The following MYZAP variants were observed in gnomAD, a reference collection of about 807,000 sequenced individuals.
The protein encoded by MYZAP is GRINL1A complex locus upstream.
A neutral mutation model predicts 69.4 loss-of-function variants in MYZAP; 66 were observed. That is an observed-to-expected ratio of 0.95 (90% confidence interval 0.78 to 1.17). MYZAP has a LOEUF of 1.17. Ranked by LOEUF, MYZAP falls within the 50% of genes most tolerant of loss-of-function variation. The pLI is 0.00. For missense variants in MYZAP, 611 were observed against 556.2 expected, an observed-to-expected ratio of 1.10 and a Z score of -0.99; for synonymous variants, 256 against 205.9, an observed-to-expected ratio of 1.24 and a Z score of -2.09.
At chr15:57,598,525 G>A (rs778400598) in intron 1 of MYZAP, among the ~76,000 whole-genome samples, 2 of 152,174 alleles carry the variant, frequency 1.3e-5, no homozygotes, top group Non-Finnish European at 2.9e-5. Context: ...AAGCTTACTT[G>A]ATCACTCCCC....
At chr15:57,659,708 A>G (rs548384672) in intron 10 of MYZAP, among the ~76,000 whole-genome samples, 2 of 152,232 alleles carry the variant, frequency 1.3e-5, no homozygotes, top group Non-Finnish European at 2.9e-5. Flanking sequence ...AATTTGATAT[A>G]CATCGTTTCT....
chr15:57,673,463 CGTGTGTGTGTGT>C (rs3051249), intron 11 of MYZAP, among the ~76,000 whole-genome samples: 1,830 of 102,658 alleles, frequency 0.018, 43 homozygotes, highest in African/African-American at 0.059. Context: ...TGCGTGCATG[CGTGTGTGTGTGT>C]GTGTGTGTGT....
chr15:57,593,166 CACTT>C (rs1218233436), intron 1 of MYZAP, among the ~76,000 whole-genome samples: 2 of 63,712 alleles, frequency 3.1e-5, no homozygotes, highest in Non-Finnish European at 6.0e-5. Context: ...ACTCACCAGA[CACTT>C]AGGTTGTGTA....
intron 11 of MYZAP, among the ~76,000 whole-genome samples, chr15:57,669,962 C>T (rs2038789855): frequency 6.6e-6 from 1 of 151,728 alleles, no homozygotes; most frequent in South Asian, 2.1e-4. Context: ...ATTTTTATTT[C>T]TAATTTAATA....
At chr15:57,633,881 T>C (rs568909825) in intron 8 of MYZAP, 140 bp downstream of exon 8, 76 of 1,093,406 alleles carry the variant, frequency 7.0e-5, no homozygotes, top group Non-Finnish European at 8.1e-5. Context: ...AGCTATAAAA[T>C]AAAGTATAAG....
intron 12 of MYZAP, among the ~76,000 whole-genome samples, chr15:57,678,700 C>T (rs1459452564): frequency 6.6e-6 from 1 of 152,174 alleles, no homozygotes; most frequent in Non-Finnish European, 1.5e-5. Flanking sequence ...GATAAGGTCT[C>T]TGTCAGCTAA....
chr15:57,604,840 G>A (rs1353033489), intron 2 of MYZAP, among the ~76,000 whole-genome samples: 1 of 152,184 alleles, frequency 6.6e-6, no homozygotes, highest in East Asian at 1.9e-4. Context: ...GGAGGCATTC[G>A]GCAAACATTT....
At chr15:57,636,805 T>G (rs1277990176) in intron 8 of MYZAP, among the ~76,000 whole-genome samples, 1 of 152,352 alleles carries the variant, frequency 6.6e-6, no homozygotes, top group Middle Eastern at 3.4e-3. Flanking sequence ...AGTGCACGGC[T>G]TAGTGCGCGT....
At chr15:57,611,958 G>A (rs561293699) in intron 2 of MYZAP, among the ~76,000 whole-genome samples, 1 of 152,278 alleles carries the variant, frequency 6.6e-6, no homozygotes, top group Admixed American at 6.5e-5. Context: ...TTATTTCCCA[G>A]GCTGTGGAAA....
chr15:57,650,601 A>G (rs904408932), intron 10 of MYZAP, among the ~76,000 whole-genome samples: 5 of 152,198 alleles, frequency 3.3e-5, no homozygotes, highest in African/African-American at 4.8e-5. Flanking sequence ...TTCCTTATCA[A>G]TAATATGGGA....
intron 4 of MYZAP, among the ~76,000 whole-genome samples, chr15:57,625,411 A>T (rs1018709941): frequency 2.0e-5 from 3 of 152,190 alleles, no homozygotes; most frequent in Non-Finnish European, 4.4e-5. Flanking sequence ...ACTACAAAGA[A>T]CAAGGTGGCT....
Position 57,618,267 on chromosome 15 carries a change from G to A in MYZAP, c.318+79G>A, listed in dbSNP as rs751159090. ...AGAGAATGGAGTTGGAAGCATTGAA[G>A]TGAATGTAATAAGGCATTTTGAAAG... is the stretch of plus-strand genomic sequence containing the variant. On this transcript the variant is annotated intron_variant, in intron 3 of 12. Coordinates refer to ENST00000267853, the MANE Select transcript of MYZAP (RefSeq NM_001018100.5). 1.2e-5 allele frequency: 18 copies of A among 1,540,058 alleles called. No homozygotes were observed. The Middle Eastern group carries it at 8.7e-4, about 75-fold the overall frequency.
At chr15:57,617,212 GGAAAGGACA>G (rs1297487872) in intron 2 of MYZAP, among the ~76,000 whole-genome samples, 1 of 152,058 alleles carries the variant, frequency 6.6e-6, no homozygotes. Context: ...GCTATGAAGT[GGAAAGGACA>G]GAAAGGACAA....
At chr15:57,676,568 A>G (rs1167644357) in intron 12 of MYZAP, among the ~76,000 whole-genome samples, 1 of 151,678 alleles carries the variant, frequency 6.6e-6, no homozygotes, top group Non-Finnish European at 1.5e-5. Flanking sequence ...ACCTTTTTGA[A>G]ATTTAAATAA....
At chr15:57,595,321 C>G (rs1255600715) in intron 1 of MYZAP, among the ~76,000 whole-genome samples, 1 of 152,126 alleles carries the variant, frequency 6.6e-6, no homozygotes, top group Non-Finnish European at 1.5e-5. Flanking sequence ...CAGTTGTGCA[C>G]TAAAAATAGT....
chr15:57,653,062 T>C (rs1468842051), intron 10 of MYZAP, among the ~76,000 whole-genome samples: 5 of 152,102 alleles, frequency 3.3e-5, no homozygotes, highest in Admixed American at 6.5e-5. Flanking sequence ...AGAATGTCTA[T>C]AAATGAGGGC....
chr15:57,667,653 T>C (rs2038647592), intron 11 of MYZAP, among the ~76,000 whole-genome samples: 1 of 152,204 alleles, frequency 6.6e-6, no homozygotes. Flanking sequence ...CTTAAATCTG[T>C]CCCACGCTCT....
chr15:57,664,479 T>C (rs1342059491), intron 11 of MYZAP, among the ~76,000 whole-genome samples: 2 of 152,216 alleles, frequency 1.3e-5, no homozygotes, highest in Non-Finnish European at 2.9e-5. Flanking sequence ...CTGCCGACGC[T>C]GTTCCTTGCT....
rs2037014845 is a variant in MYZAP at position 57,639,554 on chromosome 15, C to T, written c.1119+9C>T. 6.2e-7 allele frequency: 1 copy of T among 1,612,500 alleles called. No individual in the cohort carries two copies. The highest frequency in any genetic ancestry group is 2.2e-5 in the East Asian group (1 of 44,796). ...AGCAGATGGTCGAGGAGGTAAGCATCTGCAAAAGGTCACAGGCCTGGGATT... is the reference window on the plus strand; with the variant it reads ...AGCAGATGGTCGAGGAGGTAAGCATTTGCAAAAGGTCACAGGCCTGGGATT... On this transcript the variant is annotated intron_variant, in intron 10 of 12. Coordinates refer to ENST00000267853, the MANE Select transcript of MYZAP (RefSeq NM_001018100.5).
Sources: gnomAD v4.1 joint callset for allele counts (sites outside exome capture counted in the v4.1 genomes callset) on GRCh38, gnomAD v4.1.1 for gene constraint, MANE v1.5 for transcripts, NCBI Gene and HGNC (gene_info 2026-07-23, HGNC 2026-07-21) for gene names.